The following CBX7 variants were observed in gnomAD, a reference collection of about 807,000 sequenced individuals.
CBX7 encodes chromobox 7.
CBX7 carries 14 observed loss-of-function variants against 31.4 expected under a neutral mutation model. The observed-to-expected ratio is 0.45, with a 90% confidence interval of 0.29 to 0.70. CBX7 has a LOEUF of 0.70. CBX7 is among the 30% of genes least tolerant of loss of function. CBX7 has a pLI of 0.11. For missense variants in CBX7, 269 were observed against 351.9 expected (o/e 0.76, Z 1.89); for synonymous variants, 159 against 152.6 (o/e 1.04, Z -0.31).
Position 39,152,511 on chromosome 22 carries a change from G to A in CBX7, c.-67C>T. The A allele has an allele frequency of 2.7e-6, 2 of 735,024 alleles. No homozygotes were observed. The highest frequency in any genetic ancestry group is 1.3e-4 in the East Asian group (1 of 7,800). The allele number at this position is 735,024 out of a possible 1,614,324, so 45.5% of individuals were successfully genotyped here. A position where few individuals can be genotyped will look rare whatever the true frequency, so the allele number is the denominator to read the frequency against. ...GGGGCGGAGCTGCGGGGCCGCGGCT[G>A]CGGCGCGCGATGCTGGGGCTGGCGG... On this transcript the variant is annotated 5_prime_UTR_variant, in exon 1 of 6. Transcript: ENST00000216133. The surrounding 1 kb of genome is among the most constrained non-coding windows in gnomAD (Gnocchi z 4.9).
At chr22:39,141,566 T>C (rs1930458052) in intron 2 of CBX7, 130 bp from the exon 3 acceptor site, 1 of 631,970 alleles carries the variant, frequency 1.6e-6, no homozygotes, top group South Asian at 1.7e-5. Context: ...CTGGCCAACA[T>C]GGCAAAACCC....
In CBX7 at chr22:39,133,968, C is replaced by T. The variant is rs1406230423; in HGVS notation, c.679G>A (p.Ala227Thr). Residue 227 changes from alanine (A) to threonine (T), a missense_variant, in exon 6 of 6, where the codon GCC becomes ACC. Around this residue, in one of 2 missense-constraint regions of CBX7, gnomAD observed 222 missense variants for 240.4 expected, o/e 0.92. Transcript: ENST00000216133. Reference sequence around the variant, plus strand: ...CGGAAGGTGACGGTGATGGAGTTGGCGGTGATGTCGGTCACGGTCACCTCA... The same window carrying T: ...CGGAAGGTGACGGTGATGGAGTTGGTGGTGATGTCGGTCACGGTCACCTCA... ...SSEVTVTDIT[A>T]NSITVTFREA... is the part of the protein sequence containing the mutation. The T allele has an allele frequency of 1.1e-5, 18 of 1,613,724 alleles. No individual in the cohort carries two copies. The highest frequency in any genetic ancestry group is 4.4e-5 in the South Asian group (4 of 91,058).
intron 3 of CBX7, 148 bp downstream of exon 3, chr22:39,141,223 C>T: frequency 1.6e-6 from 1 of 612,238 alleles, no homozygotes; most frequent in Non-Finnish European, 2.8e-6. Context: ...TCAGTGCCCA[C>T]CATTTTCACC....
chr22:39,152,386 C>A lies in CBX7; in HGVS notation c.59G>T (p.Arg20Leu). ...VFAVESIRKK[R>L]VRKGKVEYLV... ...CCCGGGCAGCCTCACCTTCCGCACG[C>A]GCTTCTTCCGGATGCTCTCCACGGC... The change falls in exon 1 of 6, where the codon CGC becomes CTC. Residue 20 changes from arginine (R) to leucine (L), a missense_variant. Physicochemically the swap from Arg to Leu is moderately radical, Grantham distance 102. Transcript: ENST00000216133. This position sits in a 1 kb window ranked among gnomAD's most constrained non-coding sequence, Gnocchi z 4.9. The A allele has an allele frequency of 7.2e-7, 1 of 1,397,794 alleles. No homozygotes were observed. Among genetic ancestry groups the A allele is most frequent in the Non-Finnish European group, 9.4e-7 (1 of 1,068,706 alleles). The allele number at this position is 1,397,794 out of a possible 1,614,324, so 86.6% of individuals were successfully genotyped here. A position where few individuals can be genotyped will look rare whatever the true frequency, so the allele number is the denominator to read the frequency against.
chr22:39,149,712 G>T, intron 2 of CBX7, 77 bp downstream of exon 2: 1 of 1,246,822 alleles, frequency 8.0e-7, no homozygotes, highest in Non-Finnish European at 1.2e-6. Context: ...CTAGGCAGGG[G>T]AGGGGGCAAA....
At chr22:39,138,567 C>A in intron 4 of CBX7, 69 bp downstream of exon 4, 1 of 1,425,914 alleles carries the variant, frequency 7.0e-7, no homozygotes, top group South Asian at 1.1e-5. Flanking sequence ...AGTGCAAATG[C>A]ACCAAGGGGC....
rs576181283 is a variant in CBX7, at chr22:39,132,590, C to G, written c.*1301G>C. 1 of 152,638 alleles carries G rather than the reference C, an allele frequency of 6.6e-6. No individual in the cohort carries two copies. The highest frequency in any genetic ancestry group is 1.5e-5 in the Non-Finnish European group (1 of 68,162). The allele number at this position is 152,638 out of a possible 1,614,324, so 9.5% of individuals were successfully genotyped here. On this transcript the variant is annotated 3_prime_UTR_variant, in exon 6 of 6. Transcript: ENST00000216133. Reference sequence around the variant, plus strand: ...GGCAAAGCCTGCCCATCACACAGCACAGCCTGACCTCAGAGAGGCACGGCA... The same window carrying G: ...GGCAAAGCCTGCCCATCACACAGCAGAGCCTGACCTCAGAGAGGCACGGCA...
chr22:39,138,135 C>T (rs901735574), intron 4 of CBX7, among the ~76,000 whole-genome samples: 3 of 149,010 alleles, frequency 2.0e-5, no homozygotes, highest in South Asian at 2.1e-4. Context: ...GAGCCAAGAT[C>T]GCGCGCCACT....
chr22:39,144,576 A>G (rs1930576122), intron 2 of CBX7, among the ~76,000 whole-genome samples: 1 of 152,228 alleles, frequency 6.6e-6, no homozygotes, highest in Non-Finnish European at 1.5e-5. Flanking sequence ...GCGAAACTAC[A>G]GCAGAAGCCA....
rs1930069750 is a variant in CBX7 at position 39,132,272 on chromosome 22, TAG to T, written c.*1617_*1618del. ...AAGAATCACCCTCTCCTTGCCTCAG[TAG>T]ACTCTGTGACTTCCTGAGGACACAG... On this transcript the variant is annotated 3_prime_UTR_variant, in exon 6 of 6. Transcript: ENST00000216133. 1 of 152,246 alleles carries T rather than the reference TAG, an allele frequency of 6.6e-6. No individual in the cohort carries two copies. The highest frequency in any genetic ancestry group is 2.1e-4 in the South Asian group (1 of 4,832). 9.4% of individuals were successfully genotyped at this position (152,246 alleles called of 1,614,324 possible). A position where few individuals can be genotyped will look rare whatever the true frequency, so the allele number is the denominator to read the frequency against.
chr22:39,143,851 C>T (rs1569110164), intron 2 of CBX7, among the ~76,000 whole-genome samples: 3 of 152,200 alleles, frequency 2.0e-5, no homozygotes, highest in Admixed American at 2.0e-4. Flanking sequence ...TCTAGGTGTG[C>T]CTAAGGTCAC....
At position 39,152,475 on chromosome 22, in the gene CBX7, G is replaced by C. The variant is rs1331617816; in HGVS notation, c.-31C>G. 2.0e-6 allele frequency: 2 copies of C among 1,013,276 alleles called. No individual in the cohort carries two copies. The highest frequency in any genetic ancestry group is 1.7e-5 in the African/African-American group (1 of 57,508). 62.8% of individuals were successfully genotyped at this position (1,013,276 alleles called of 1,614,324 possible). A position where few individuals can be genotyped will look rare whatever the true frequency, so the allele number is the denominator to read the frequency against. Reference sequence around the variant, plus strand: ...GCGGCGGGCGAGCGGGCCCGGGGCCGGGCCGGGCCGGGGGCGGAGCTGCGG... The same window carrying C: ...GCGGCGGGCGAGCGGGCCCGGGGCCCGGCCGGGCCGGGGGCGGAGCTGCGG... On this transcript the variant is annotated 5_prime_UTR_variant, in exon 1 of 6. Transcript: ENST00000216133. This position sits in a 1 kb window ranked among gnomAD's most constrained non-coding sequence, Gnocchi z 4.9.
In CBX7 at chr22:39,138,623, G is replaced by C. The variant is rs376850563; in HGVS notation, c.246+13C>G. 2.8e-5 allele frequency: 45 copies of C among 1,613,680 alleles called. No homozygotes were observed. Among genetic ancestry groups the C allele is most frequent in the Non-Finnish European group, 3.7e-5 (44 of 1,179,706 alleles). The stretch of plus-strand genomic sequence containing the variant: ...GCAGGGGGAGAAAGGAGGCACAAAG[G>C]CAGGCTGGTTACCTGCAGCAGAAGC... On this transcript the variant is annotated intron_variant, in intron 4 of 5. Transcript: ENST00000216133.
chr22:39,138,491 C>T, intron 4 of CBX7, 145 bp downstream of exon 4: 1 of 763,540 alleles, frequency 1.3e-6, no homozygotes, highest in Non-Finnish European at 2.3e-6. Context: ...AAAACTTACC[C>T]AAGTGCCCCA....
At chr22:39,141,217 T>G (rs1217537857) in intron 3 of CBX7, 154 bp downstream of exon 3, 1 of 597,106 alleles carries the variant, frequency 1.7e-6, no homozygotes, top group African/African-American at 1.9e-5. Context: ...TGGGACTCAG[T>G]GCCCACCATT....
rs1244179175 is a variant in CBX7 at position 39,130,777 on chromosome 22, T to C, written c.*3114A>G. 1 of 152,262 alleles carries C rather than the reference T, an allele frequency of 6.6e-6. No individual in the cohort carries two copies. The highest frequency in any genetic ancestry group is 2.4e-5 in the African/African-American group (1 of 41,204). 9.4% of individuals were successfully genotyped at this position (152,262 alleles called of 1,614,324 possible). A position where few individuals can be genotyped will look rare whatever the true frequency, so the allele number is the denominator to read the frequency against. ...AATAATCAAATGCCCAGGAATTTTC[T>C]TTTTTTTAAATCATCTTTAATGTAT... is the stretch of plus-strand genomic sequence containing the variant. On this transcript the variant is annotated 3_prime_UTR_variant, in exon 6 of 6. Transcript: ENST00000216133.
At chr22:39,145,157 C>G (rs1398873927) in intron 2 of CBX7, among the ~76,000 whole-genome samples, 1 of 152,206 alleles carries the variant, frequency 6.6e-6, no homozygotes, top group Non-Finnish European at 1.5e-5. Flanking sequence ...GGTTGCCGGC[C>G]CGGGCAGCTG....
chr22:39,140,925 C>T (rs1253978627), intron 3 of CBX7, among the ~76,000 whole-genome samples: 2 of 152,222 alleles, frequency 1.3e-5, no homozygotes, highest in Non-Finnish European at 2.9e-5. Context: ...TCAGACACTC[C>T]TTCCTGCCCT....
At chr22:39,142,347 C>T (rs1346674829) in intron 2 of CBX7, among the ~76,000 whole-genome samples, 1 of 152,198 alleles carries the variant, frequency 6.6e-6, no homozygotes, top group African/African-American at 2.4e-5. Flanking sequence ...CTCTTCAGTG[C>T]ACCCCACCCA....
Sources: gnomAD v4.1 joint callset for allele counts (sites outside exome capture counted in the v4.1 genomes callset) on GRCh38, gnomAD v4.1.1 for gene constraint, gnomAD v4.1.1 regional missense constraint, Gnocchi (gnomAD v3.1) non-coding constraint, MANE v1.5 for transcripts, NCBI Gene and HGNC (gene_info 2026-07-23, HGNC 2026-07-21) for gene names.